CNBD1: variants seen among roughly 807,000 people sequenced by gnomAD.
CNBD1 encodes cyclic nucleotide-binding domain-containing protein 1.
CNBD1 carries 71 observed loss-of-function variants against 54.4 expected under a neutral mutation model. The ratio of observed to expected loss-of-function variants is 1.30; its 90% CI spans 1.08 to 1.59. CNBD1 has a LOEUF of 1.59. Ranked by LOEUF, CNBD1 falls within the 40% of genes most tolerant of loss-of-function variation. CNBD1 has a pLI of 0.00. For synonymous variants in CNBD1, 182 were observed against 170.7 expected (o/e 1.07, Z -0.51); for missense variants, 659 against 518.0 (o/e 1.27, Z -2.64).
intron 6 of CNBD1, among the ~76,000 whole-genome samples, chr8:87,240,402 T>C (rs1807670367): frequency 6.6e-6 from 1 of 152,166 alleles, no homozygotes; most frequent in Non-Finnish European, 1.5e-5. Context: ...TAGTAATTTT[T>C]TTTTACACCA....
intron 4 of CNBD1, among the ~76,000 whole-genome samples, chr8:87,003,559 A>G (rs1490578326): frequency 2.0e-5 from 3 of 152,226 alleles, no homozygotes; most frequent in East Asian, 1.9e-4. Context: ...ACAAAACTTT[A>G]TCAGTCAAAT....
At chr8:87,257,396 A>G (rs911567483) in intron 6 of CNBD1, among the ~76,000 whole-genome samples, 1 of 150,552 alleles carries the variant, frequency 6.6e-6, no homozygotes, top group Non-Finnish European at 1.5e-5. Flanking sequence ...GGAAATGACA[A>G]TTGAATGAAA....
chr8:86,942,426 A>G (rs141069375), intron 4 of CNBD1, among the ~76,000 whole-genome samples: 160 of 152,240 alleles, frequency 1.1e-3, no homozygotes, highest in African/African-American at 3.7e-3. Context: ...CCATTTCTGG[A>G]GCATAGGATC....
chr8:87,313,261 G>T (rs1470394581), intron 8 of CNBD1, among the ~76,000 whole-genome samples: 1 of 151,968 alleles, frequency 6.6e-6, no homozygotes, highest in African/African-American at 2.4e-5. Context: ...GAATTGCAGG[G>T]ACTTATTTGG....
At chr8:87,357,732 G>A (rs1810448922) in intron 10 of CNBD1, among the ~76,000 whole-genome samples, 1 of 152,128 alleles carries the variant, frequency 6.6e-6, no homozygotes, top group African/African-American at 2.4e-5. Context: ...GGACTGTTGG[G>A]AAGGGGTGAT....
intron 5 of CNBD1, among the ~76,000 whole-genome samples, chr8:87,211,844 A>G (rs1411043987): frequency 2.0e-5 from 3 of 152,210 alleles, no homozygotes; most frequent in Non-Finnish European, 4.4e-5. Context: ...AACACATGCT[A>G]TATTATAGAA....
intron 4 of CNBD1, among the ~76,000 whole-genome samples, chr8:86,963,159 T>G (rs952345377): frequency 3.3e-5 from 5 of 152,268 alleles, no homozygotes; most frequent in Middle Eastern, 6.8e-3. Flanking sequence ...CGGTGACCTG[T>G]GCAGGTGCTG....
chr8:87,223,176 C>A (rs1814381605), intron 5 of CNBD1, among the ~76,000 whole-genome samples: 1 of 149,742 alleles, frequency 6.7e-6, no homozygotes, highest in African/African-American at 2.4e-5. Context: ...TTTAATCTAT[C>A]CTCCCTTTAC....
At chr8:86,994,853 T>C (rs1433970471) in intron 4 of CNBD1, among the ~76,000 whole-genome samples, 1 of 152,112 alleles carries the variant, frequency 6.6e-6, no homozygotes, top group East Asian at 1.9e-4. Flanking sequence ...TTTTGTTAAG[T>C]GCCATGAATA....
chr8:87,128,833 T>A (rs1371206692), intron 4 of CNBD1, among the ~76,000 whole-genome samples: 1 of 150,524 alleles, frequency 6.6e-6, no homozygotes, highest in Non-Finnish European at 1.5e-5. Flanking sequence ...CCTTTAATCC[T>A]AGCACTTTGG....
intron 5 of CNBD1, among the ~76,000 whole-genome samples, chr8:87,235,645 A>G (rs532860295): frequency 1.3e-5 from 2 of 152,260 alleles, no homozygotes; most frequent in South Asian, 2.1e-4. Flanking sequence ...GGTAACATCA[A>G]TGATCACTGA....
At position 87,224,016 on chromosome 8, in the gene CNBD1, G is replaced by A. The variant is rs1049308031; in HGVS notation, c.578-12903G>A. Among the ~76,000 whole-genome samples, 555 of 152,010 alleles carry A rather than the reference G, an allele frequency of 3.7e-3. 7 individuals carry two copies. Among genetic ancestry groups the A allele is most frequent in the African/African-American group, 0.013 (542 of 41,380 alleles). On this transcript the variant is annotated intron_variant, in intron 5 of 10. Coordinates refer to ENST00000518476, the MANE Select transcript of CNBD1 (RefSeq NM_173538.3). ...AGTGACGGTGAGCATTTTTTCATGT[G>A]TTTTTTGGCTGCATAAATGTCTTCT...
At chr8:86,990,738 G>A (rs1808726357) in intron 4 of CNBD1, among the ~76,000 whole-genome samples, 1 of 152,112 alleles carries the variant, frequency 6.6e-6, no homozygotes, top group Admixed American at 6.6e-5. Context: ...AATTTAATAT[G>A]TGTTTTGATA....
intron 4 of CNBD1, among the ~76,000 whole-genome samples, chr8:87,039,136 T>G (rs970484544): frequency 5.3e-5 from 8 of 152,234 alleles, no homozygotes; most frequent in African/African-American, 1.9e-4. Context: ...GCTTAATATA[T>G]CTTTTTAAAT....
intron 10 of CNBD1, among the ~76,000 whole-genome samples, chr8:87,375,991 A>T (rs1810922482): frequency 6.6e-6 from 1 of 151,950 alleles, no homozygotes; most frequent in Non-Finnish European, 1.5e-5. Flanking sequence ...GCTAATATTT[A>T]ATTATGTTGG....
At chr8:87,150,798 G>A (rs1812587621) in intron 4 of CNBD1, among the ~76,000 whole-genome samples, 1 of 152,140 alleles carries the variant, frequency 6.6e-6, no homozygotes, top group Non-Finnish European at 1.5e-5. Context: ...CTAGCAGATA[G>A]GGGCTGTGTC....
intron 6 of CNBD1, among the ~76,000 whole-genome samples, chr8:87,253,372 G>C (rs1048876853): frequency 2.7e-4 from 41 of 152,140 alleles, no homozygotes; most frequent in African/African-American, 9.9e-4. Flanking sequence ...CTGCAGAATT[G>C]CTGGCTGAAT....
chr8:87,381,187 A>C (rs1811065499), intron 10 of CNBD1, among the ~76,000 whole-genome samples: 1 of 152,068 alleles, frequency 6.6e-6, no homozygotes, highest in Non-Finnish European at 1.5e-5. Context: ...CCATTTCAAT[A>C]GCTAAAAATA....
downstream of CNBD1, among the ~76,000 whole-genome samples, chr8:87,385,651 C>A (rs976211921): frequency 6.6e-6 from 1 of 152,074 alleles, no homozygotes; most frequent in Non-Finnish European, 1.5e-5. Flanking sequence ...CACCGCAGCA[C>A]AAGGAGGCCT....
Sources: allele counts gnomAD v4.1 joint callset (sites outside exome capture counted in the v4.1 genomes callset), GRCh38; gene constraint gnomAD v4.1.1; transcripts MANE v1.5; gene names NCBI Gene and HGNC (gene_info 2026-07-23, HGNC 2026-07-21).